The following SERPINC1 variants were observed in gnomAD, a reference collection of about 807,000 sequenced individuals.
The protein encoded by SERPINC1 is antithrombin-III.
SERPINC1 carries 12 observed loss-of-function variants against 43.4 expected under a neutral mutation model. That is an observed-to-expected ratio of 0.28 (90% CI 0.18 to 0.45). SERPINC1 has a LOEUF of 0.45. Ranked by LOEUF, SERPINC1 falls within the 20% of genes least tolerant of loss-of-function variation. The probability of loss-of-function intolerance (pLI) is 1.00; values close to 1 mark genes in which losing one functional copy is unlikely to be tolerated. For missense variants in SERPINC1, 423 were observed against 578.8 expected, an observed-to-expected ratio of 0.73 and a Z score of 2.76; for synonymous variants, 210 against 218.9, an observed-to-expected ratio of 0.96 and a Z score of 0.36.
At chr1:173,906,114 G>C (rs1192268626) in intron 6 of SERPINC1, among the ~76,000 whole-genome samples, 1 of 149,102 alleles carries the variant, frequency 6.7e-6, no homozygotes, top group Admixed American at 6.6e-5. Flanking sequence ...CCTGGCTCCC[G>C]CAAAAAATAG....
At chr1:173,914,941 A>C in intron 1 of SERPINC1, 22 bp from the exon 2 acceptor site, 1 of 1,608,460 alleles carries the variant, frequency 6.2e-7, no homozygotes. Context: ...CAAAATGCCA[A>C]GTTAAGCTAG....
intron 4 of SERPINC1, among the ~76,000 whole-genome samples, chr1:173,910,354 A>G (rs1391295579): frequency 1.3e-5 from 2 of 152,142 alleles, no homozygotes; most frequent in African/African-American, 2.4e-5. Context: ...CGAGGTGGGC[A>G]GATCACGAGG....
In SERPINC1 at chr1:173,909,665, A is replaced by T; in HGVS notation, c.1040T>A (p.Met347Lys). The T allele has an allele frequency of 6.2e-7, 1 of 1,613,796 alleles. No homozygotes were observed. The highest frequency in any genetic ancestry group is 8.5e-7 in the Non-Finnish European group (1 of 1,179,714). ...GAAGCGGGGCATGTGGACCACCAGC[A>T]TCATCTCCTCCAATTCATCCAGCCA... ...QEWLDELEEM[M>K]LVVHMPRFRI... Residue 347 changes from methionine (M) to lysine (K), a missense_variant, in exon 5 of 7, where the codon ATG becomes AAG. Met to Lys is a moderately conservative substitution (Grantham distance 95). Transcript: ENST00000367698.
chr1:173,910,965 T>C, intron 3 of SERPINC1, 74 bp from the exon 4 acceptor site: 1 of 1,533,870 alleles, frequency 6.5e-7, no homozygotes, highest in Non-Finnish European at 9.0e-7. Flanking sequence ...GGCAGCATTT[T>C]ATTTTTCTCA....
chr1:173,913,935 G>A (rs1252937885), intron 2 of SERPINC1, among the ~76,000 whole-genome samples: 1 of 151,998 alleles, frequency 6.6e-6, no homozygotes, highest in African/African-American at 2.4e-5. Flanking sequence ...GAAATTAGCT[G>A]GGCGTGATGG....
Position 173,903,869 on chromosome 1 carries a change from G to C in SERPINC1, c.*20C>G, listed in dbSNP as rs1336444125. 1 of 1,610,334 alleles carries C rather than the reference G, an allele frequency of 6.2e-7. No individual in the cohort carries two copies. Among genetic ancestry groups the C allele is most frequent in the Non-Finnish European group, 8.5e-7 (1 of 1,176,722 alleles). ...GTTCACAAACCAAAAATAGGAAGAG[G>C]TGCAAAGAATAAGAACATTTTACTT... is the stretch of plus-strand genomic sequence containing the variant. On this transcript the variant is annotated 3_prime_UTR_variant, in exon 7 of 7. Transcript: ENST00000367698.
Position 173,903,814 on chromosome 1 carries a change from T to TG in SERPINC1, c.*74dup, listed in dbSNP as rs1657361506. The TG allele has an allele frequency of 7.9e-7, 1 of 1,266,890 alleles. No individual in the cohort carries two copies. Among genetic ancestry groups the TG allele is most frequent in the African/African-American group, 1.5e-5 (1 of 68,064 alleles). 78.5% of individuals were successfully genotyped at this position (1,266,890 alleles called of 1,614,324 possible). ...TGCAGAGTCCATTTATAATGTGAGA[T>TG]GGAAGTAGTTTGTATTTATTTTTAC... On this transcript the variant is annotated 3_prime_UTR_variant, in exon 7 of 7. Coordinates refer to ENST00000367698, the MANE Select transcript of SERPINC1 (RefSeq NM_000488.4).
intron 6 of SERPINC1, among the ~76,000 whole-genome samples, chr1:173,904,993 A>C (rs1180376788): frequency 6.6e-6 from 1 of 152,302 alleles, no homozygotes; most frequent in South Asian, 2.1e-4. Context: ...TGTTGTAAGA[A>C]CCATGGAAAA....
chr1:173,904,960 A>C (rs1657429167), intron 6 of SERPINC1, among the ~76,000 whole-genome samples: 1 of 152,196 alleles, frequency 6.6e-6, no homozygotes, highest in South Asian at 2.1e-4. Context: ...AAGGATTCCC[A>C]AGGTTTTCAA....
At chr1:173,914,995 T>A in intron 1 of SERPINC1, 76 bp from the exon 2 acceptor site, 2 of 1,565,194 alleles carry the variant, frequency 1.3e-6, no homozygotes, top group Non-Finnish European at 1.7e-6. Context: ...GTTGCCCCAG[T>A]AAAGCAGAGG....
intron 1 of SERPINC1, among the ~76,000 whole-genome samples, chr1:173,915,655 T>C (rs2227596): frequency 0.31 from 47,526 of 152,072 alleles, 11,840 homozygotes; most frequent in African/African-American, 0.69. Flanking sequence ...CCAACCTGGG[T>C]GACAAAGTGA....
chr1:173,913,730 C>T (rs1413175643), intron 2 of SERPINC1, among the ~76,000 whole-genome samples: 1 of 152,110 alleles, frequency 6.6e-6, no homozygotes, highest in African/African-American at 2.4e-5. Flanking sequence ...GTGCCGGGGG[C>T]CTGTAATCCC....
chr1:173,907,845 G>A lies in SERPINC1; in HGVS notation c.1154-331C>T, dbSNP rs546277936. On this transcript the variant is annotated intron_variant, in intron 5 of 6. Coordinates refer to ENST00000367698, the MANE Select transcript of SERPINC1 (RefSeq NM_000488.4). ...AAAATACAAAAATTAGCCAGGTGTG[G>A]TGGCGCATGCCTGTAATCCCAGCTA... is the stretch of plus-strand genomic sequence containing the variant. 4.9e-4 allele frequency among the ~76,000 whole-genome samples: 74 copies of A among 152,010 alleles called. 1 individual carries two copies. Among genetic ancestry groups the A allele is most frequent in the African/African-American group, 1.7e-3 (72 of 41,466 alleles).
intron 5 of SERPINC1, among the ~76,000 whole-genome samples, chr1:173,908,789 G>A (rs1363204622): frequency 1.3e-5 from 2 of 152,038 alleles, no homozygotes; most frequent in Non-Finnish European, 2.9e-5. Flanking sequence ...CGAACTCATG[G>A]GCTTAGACGA....
In SERPINC1 at chr1:173,914,848, T is replaced by G; in HGVS notation, c.113A>C (p.Asp38Ala). 3 of 1,614,198 alleles carry G rather than the reference T, an allele frequency of 1.9e-6. No individual in the cohort carries two copies. The highest frequency in any genetic ancestry group is 2.5e-6 in the Non-Finnish European group (3 of 1,180,034). The change falls in exon 2 of 7, where the codon GAC (aspartate) becomes GCC (alanine). Residue 38 changes from aspartate (D) to alanine (A), a missense_variant. By Grantham distance (126) the Asp-to-Ala change is moderately radical (BLOSUM62 -2). Transcript: ENST00000367698. ...DCVTCHGSPV[D>A]ICTAKPRDIP... ...GTCCCGCGGCTTGGCTGTGCAGATG[T>G]CCACAGGGCTCCCGTGACAGGTCAC...
intron 6 of SERPINC1, 38 bp downstream of exon 6, chr1:173,907,412 C>T (rs765121710): frequency 5.2e-6 from 8 of 1,523,820 alleles, no homozygotes; most frequent in Admixed American, 5.0e-5. Flanking sequence ...CATGCATCTC[C>T]TTTCTGTACC....
At chr1:173,915,040 T>C in intron 1 of SERPINC1, 121 bp from the exon 2 acceptor site, 2 of 1,533,992 alleles carry the variant, frequency 1.3e-6, no homozygotes, top group Non-Finnish European at 8.7e-7. Context: ...AGAGAAAGGC[T>C]AAATCCTTTG....
chr1:173,907,720 C>T (rs1246280168), intron 5 of SERPINC1, among the ~76,000 whole-genome samples: 5 of 152,082 alleles, frequency 3.3e-5, no homozygotes, highest in Non-Finnish European at 1.5e-5. Context: ...TGGCTCACAC[C>T]TGTAATCCCA....
chr1:173,904,700 G>A (rs775349351), intron 6 of SERPINC1, among the ~76,000 whole-genome samples: 4 of 152,094 alleles, frequency 2.6e-5, no homozygotes, highest in Non-Finnish European at 5.9e-5. Flanking sequence ...ATGATTAACC[G>A]GCTCCCTGGG....
Sources: gnomAD v4.1 joint callset for allele counts (sites outside exome capture counted in the v4.1 genomes callset) on GRCh38, gnomAD v4.1.1 for gene constraint, MANE v1.5 for transcripts, NCBI Gene and HGNC (gene_info 2026-07-23, HGNC 2026-07-21) for gene names.